CDKAL1: variants seen among roughly 807,000 people sequenced by gnomAD.
CDKAL1 encodes threonylcarbamoyladenosine tRNA methylthiotransferase.
A neutral mutation model predicts 68.2 loss-of-function variants in CDKAL1; 32 were observed. The observed-to-expected ratio is 0.47, with a 90% CI of 0.35 to 0.63. CDKAL1 has a LOEUF of 0.63. CDKAL1 is among the 30% of genes least tolerant of loss of function. The pLI, the probability that CDKAL1 is intolerant of heterozygous loss-of-function variation, is 0.00. For synonymous variants in CDKAL1, 234 were observed against 244.3 expected, an observed-to-expected ratio of 0.96 and a Z score of 0.39; for missense variants, 606 against 696.7, an observed-to-expected ratio of 0.87 and a Z score of 1.47.
intron 9 of CDKAL1, among the ~76,000 whole-genome samples, chr6:20,922,222 AG>A (rs1762988973): frequency 1.3e-5 from 2 of 152,224 alleles, no homozygotes; most frequent in African/African-American, 4.8e-5. Flanking sequence ...CAGCATTCAG[AG>A]GGTCTACTGC....
At chr6:20,600,575 G>A (rs1033952698) in intron 4 of CDKAL1, among the ~76,000 whole-genome samples, 2 of 151,864 alleles carry the variant, frequency 1.3e-5, no homozygotes, top group African/African-American at 4.8e-5. Context: ...GAACAAACAT[G>A]AGTTCTTGAA....
chr6:21,174,318 G>A (rs919230450), intron 13 of CDKAL1, among the ~76,000 whole-genome samples: 1 of 152,130 alleles, frequency 6.6e-6, no homozygotes, highest in Non-Finnish European at 1.5e-5. Flanking sequence ...CTGTCCCTAT[G>A]TTATTCAATA....
rs182697264 is a variant in CDKAL1, at chr6:21,081,633, G to A, written c.1236+16405G>A. 3.6e-4 allele frequency among the ~76,000 whole-genome samples: 53 copies of A among 149,018 alleles called. 1 individual carries two copies. In the South Asian group the frequency reaches 6.8e-3, roughly 19 times the overall value. ...GTCACCCAGGCTAGAGTGCAGTGGC[G>A]CGATCTCATCTCACTGCAACCTCCG... On this transcript the variant is annotated intron_variant, in intron 12 of 15. Transcript: ENST00000274695.
intron 15 of CDKAL1, among the ~76,000 whole-genome samples, chr6:21,202,868 G>A (rs139295229): frequency 1.9e-4 from 29 of 152,278 alleles, no homozygotes; most frequent in African/African-American, 6.7e-4. Context: ...GGTGTTATCA[G>A]TTCTACCACC....
chr6:20,709,802 C>T (rs1771765514), intron 5 of CDKAL1, among the ~76,000 whole-genome samples: 2 of 152,126 alleles, frequency 1.3e-5, no homozygotes, highest in African/African-American at 2.4e-5. Flanking sequence ...ACAAGGGCAG[C>T]AATTAGATCA....
intron 11 of CDKAL1, among the ~76,000 whole-genome samples, chr6:21,025,903 T>C (rs561477841): frequency 1.6e-4 from 25 of 152,296 alleles, no homozygotes; most frequent in African/African-American, 5.3e-4. Flanking sequence ...AATTGTTCTC[T>C]AAATTCACAA....
chr6:21,043,673 G>A (rs1036872743), intron 11 of CDKAL1, among the ~76,000 whole-genome samples: 3 of 152,134 alleles, frequency 2.0e-5, no homozygotes, highest in African/African-American at 7.2e-5. Flanking sequence ...CTATCTCAGA[G>A]TCATTTCCTT....
chr6:21,158,539 TGCTA>T (rs1485266705), intron 13 of CDKAL1, among the ~76,000 whole-genome samples: 1 of 152,212 alleles, frequency 6.6e-6, no homozygotes, highest in African/African-American at 2.4e-5. Context: ...TTAACCTCCT[TGCTA>T]AAGCTGGGAA....
At chr6:20,933,101 C>G (rs1763543828) in intron 9 of CDKAL1, among the ~76,000 whole-genome samples, 1 of 152,126 alleles carries the variant, frequency 6.6e-6, no homozygotes, top group South Asian at 2.1e-4. Flanking sequence ...TAGTGCTTCC[C>G]CCTCTGAATC....
intron 11 of CDKAL1, among the ~76,000 whole-genome samples, chr6:21,036,347 C>T (rs545306479): frequency 1.3e-5 from 2 of 152,252 alleles, no homozygotes; most frequent in African/African-American, 2.4e-5. Flanking sequence ...AAATTTCAGT[C>T]TCAGCCATGA....
chr6:20,690,305 G>C (rs558605119), intron 5 of CDKAL1, among the ~76,000 whole-genome samples: 2 of 152,250 alleles, frequency 1.3e-5, no homozygotes, highest in South Asian at 4.1e-4. Context: ...TAGTATAAAT[G>C]TATTATAACT....
chr6:21,171,003 T>A (rs1777361696), intron 13 of CDKAL1, among the ~76,000 whole-genome samples: 1 of 152,204 alleles, frequency 6.6e-6, no homozygotes, highest in African/African-American at 2.4e-5. Flanking sequence ...TTACCCACTT[T>A]TATTAGTAAG....
At chr6:20,665,658 G>A (rs1162421969) in intron 5 of CDKAL1, among the ~76,000 whole-genome samples, 3 of 139,726 alleles carry the variant, frequency 2.1e-5, no homozygotes, top group Non-Finnish European at 4.6e-5. Context: ...TAATGTCAAT[G>A]ATAAGTTCTT....
chr6:20,927,158 A>G (rs933765961), intron 9 of CDKAL1, among the ~76,000 whole-genome samples: 4 of 152,284 alleles, frequency 2.6e-5, no homozygotes, highest in Non-Finnish European at 5.9e-5. Flanking sequence ...TAAGCTATTC[A>G]TTGTGTTTAA....
rs142439286 is a variant in CDKAL1 at position 20,611,015 on chromosome 6, C to G, written c.287-38278C>G. Among the ~76,000 whole-genome samples, 67 of 152,302 alleles carry G rather than the reference C, an allele frequency of 4.4e-4. 1 individual carries two copies. Among genetic ancestry groups the G allele is most frequent in the African/African-American group, 1.5e-3 (64 of 41,572 alleles). ...GTTTAGATTCAAAGTCATTTTCCCT[C>G]ACAGCTTTGAGGCATTCCTTCCTTT... On this transcript the variant is annotated intron_variant, in intron 4 of 15. Transcript: ENST00000274695.
At chr6:20,932,477 T>C (rs957950114) in intron 9 of CDKAL1, among the ~76,000 whole-genome samples, 1 of 152,176 alleles carries the variant, frequency 6.6e-6, no homozygotes, top group Non-Finnish European at 1.5e-5. Flanking sequence ...TATTTATATA[T>C]AAGCATAAAC....
chr6:20,725,601 A>G (rs556462528), intron 5 of CDKAL1, among the ~76,000 whole-genome samples: 3 of 152,082 alleles, frequency 2.0e-5, no homozygotes, highest in East Asian at 3.9e-4. Flanking sequence ...CCTGACCAAC[A>G]TGGAGAAACC....
At chr6:20,598,076 C>T (rs1177833378) in intron 4 of CDKAL1, among the ~76,000 whole-genome samples, 1 of 152,130 alleles carries the variant, frequency 6.6e-6, no homozygotes, top group African/African-American at 2.4e-5. Context: ...GTTATGGCAG[C>T]TGGAGTTATA....
intron 4 of CDKAL1, among the ~76,000 whole-genome samples, chr6:20,638,150 C>T (rs1447892409): frequency 6.6e-6 from 1 of 152,136 alleles, no homozygotes; most frequent in Non-Finnish European, 1.5e-5. Context: ...GGTATCTATG[C>T]CCACCAGCAA....
Sources: allele counts gnomAD v4.1 joint callset (sites outside exome capture counted in the v4.1 genomes callset), GRCh38; gene constraint gnomAD v4.1.1; transcripts MANE v1.5; gene names NCBI Gene and HGNC (gene_info 2026-07-23, HGNC 2026-07-21).